The following NLGN1 variants were observed in gnomAD, a reference collection of about 807,000 sequenced individuals.
NLGN1 encodes the protein neuroligin 1.
A neutral mutation model predicts 65.5 loss-of-function variants in NLGN1; 12 were observed. The ratio of observed to expected loss-of-function variants is 0.18; its 90% CI spans 0.12 to 0.30. The LOEUF (loss-of-function observed/expected upper bound fraction) is 0.30. Ranked by LOEUF, NLGN1 falls within the 10% of genes least tolerant of loss-of-function variation. The pLI is 1.00. For missense variants in NLGN1, 750 were observed against 1,007.1 expected (o/e 0.74, Z 3.46); for synonymous variants, 350 against 359.5 (o/e 0.97, Z 0.30).
chr3:173,575,463 ATTTAAGTTACC>A (rs1156997996), intron 2 of NLGN1, among the ~76,000 whole-genome samples: 1 of 152,082 alleles, frequency 6.6e-6, no homozygotes, highest in Admixed American at 6.5e-5. Flanking sequence ...CTTAAAACAA[ATTTAAGTTACC>A]TTCAGGCATT....
intron 3 of NLGN1, among the ~76,000 whole-genome samples, chr3:173,620,564 G>T (rs1028669643): frequency 3.3e-5 from 5 of 151,958 alleles, no homozygotes; most frequent in Admixed American, 6.6e-5. Flanking sequence ...AGGGGGAAAG[G>T]CACCAGAAAA....
At chr3:174,027,369 G>C (rs1481138308) in intron 4 of NLGN1, among the ~76,000 whole-genome samples, 1 of 151,982 alleles carries the variant, frequency 6.6e-6, no homozygotes, top group Non-Finnish European at 1.5e-5. Flanking sequence ...AGCTATTTCT[G>C]TTTACCATTT....
intron 4 of NLGN1, among the ~76,000 whole-genome samples, chr3:174,072,038 G>A (rs1449662406): frequency 1.3e-5 from 2 of 152,188 alleles, no homozygotes; most frequent in African/African-American, 2.4e-5. Flanking sequence ...GAATTAAAAG[G>A]TGGAAAAGAT....
chr3:174,170,701 TGTGC>T (rs1728364907), intron 4 of NLGN1, among the ~76,000 whole-genome samples: 1 of 152,196 alleles, frequency 6.6e-6, no homozygotes, highest in African/African-American at 2.4e-5. Flanking sequence ...CACTAGCTAA[TGTGC>T]ATAACAGTGA....
At chr3:173,811,467 G>A (rs1717906690) in intron 4 of NLGN1, among the ~76,000 whole-genome samples, 1 of 151,560 alleles carries the variant, frequency 6.6e-6, no homozygotes, top group Non-Finnish European at 1.5e-5. Context: ...GGGAGCCTGA[G>A]GCAGGAGAAG....
At chr3:174,161,608 G>A (rs1312441591) in intron 4 of NLGN1, among the ~76,000 whole-genome samples, 2 of 151,774 alleles carry the variant, frequency 1.3e-5, no homozygotes, top group Non-Finnish European at 2.9e-5. Context: ...TCTATAGCAG[G>A]GAAGAAATCC....
At chr3:173,420,202 A>C (rs962381353) in intron 1 of NLGN1, among the ~76,000 whole-genome samples, 2 of 151,890 alleles carry the variant, frequency 1.3e-5, no homozygotes, top group Non-Finnish European at 2.9e-5. Flanking sequence ...CATTAAGTAT[A>C]TCTCCTAATG....
intron 2 of NLGN1, among the ~76,000 whole-genome samples, chr3:173,448,020 T>G (rs914183081): frequency 3.0e-4 from 45 of 152,218 alleles, no homozygotes; most frequent in Middle Eastern, 3.2e-3. Context: ...GGGACAATTT[T>G]ACTTCCTCTT....
chr3:173,947,315 A>G (rs1030466115), intron 4 of NLGN1, among the ~76,000 whole-genome samples: 1 of 152,014 alleles, frequency 6.6e-6, no homozygotes, highest in Non-Finnish European at 1.5e-5. Flanking sequence ...AGCCACCACG[A>G]CTGGCTCAGT....
chr3:174,236,246 C>A (rs1483736300), intron 4 of NLGN1, among the ~76,000 whole-genome samples: 1 of 152,044 alleles, frequency 6.6e-6, no homozygotes, highest in East Asian at 1.9e-4. Flanking sequence ...GTATGTTACT[C>A]GAACCTATTA....
chr3:173,619,792 A>G (rs748711949), intron 3 of NLGN1, among the ~76,000 whole-genome samples: 6 of 152,196 alleles, frequency 3.9e-5, no homozygotes, highest in Non-Finnish European at 4.4e-5. Flanking sequence ...AGTAAAATTT[A>G]CATATGGTAG....
chr3:173,560,309 T>C (rs780764694), intron 2 of NLGN1, among the ~76,000 whole-genome samples: 14 of 148,706 alleles, frequency 9.4e-5, no homozygotes, highest in Non-Finnish European at 1.3e-4. Flanking sequence ...GCAAGGAAAC[T>C]GAGTAAAAAT....
chr3:174,020,632 A>G (rs1461785801), intron 4 of NLGN1, among the ~76,000 whole-genome samples: 1 of 152,122 alleles, frequency 6.6e-6, no homozygotes, highest in Non-Finnish European at 1.5e-5. Context: ...TTTATATTAT[A>G]TTGGAGTCAT....
At chr3:174,213,082 A>G (rs1197534796) in intron 4 of NLGN1, among the ~76,000 whole-genome samples, 2 of 152,222 alleles carry the variant, frequency 1.3e-5, no homozygotes, top group Non-Finnish European at 2.9e-5. Context: ...CCTTTGCCAC[A>G]TATGGTAGCA....
intron 1 of NLGN1, among the ~76,000 whole-genome samples, chr3:173,423,406 A>T (rs186543729): frequency 6.6e-6 from 1 of 152,164 alleles, no homozygotes; most frequent in African/African-American, 2.4e-5. Context: ...CCAAGTCCAA[A>T]GCCTTATCTG....
chr3:173,727,638 C>T (rs1350052568), intron 3 of NLGN1, among the ~76,000 whole-genome samples: 2 of 152,122 alleles, frequency 1.3e-5, no homozygotes, highest in African/African-American at 4.8e-5. Flanking sequence ...CCAACCCACA[C>T]ACCTTGCAAG....
chr3:174,117,668 A>T (rs1327380989), intron 4 of NLGN1, among the ~76,000 whole-genome samples: 1 of 151,878 alleles, frequency 6.6e-6, no homozygotes, highest in East Asian at 1.9e-4. Context: ...ATGGCTGGTG[A>T]GGAATGGCCA....
intron 2 of NLGN1, among the ~76,000 whole-genome samples, chr3:173,504,279 T>C (rs1731638204): frequency 6.6e-6 from 1 of 152,102 alleles, no homozygotes; most frequent in South Asian, 2.1e-4. Flanking sequence ...ATTTATACAC[T>C]ATATACAGCA....
intron 4 of NLGN1, among the ~76,000 whole-genome samples, chr3:174,027,045 T>C (rs1206149653): frequency 6.7e-6 from 1 of 149,774 alleles, no homozygotes; most frequent in Non-Finnish European, 1.5e-5. Flanking sequence ...CTTGGCTAAG[T>C]TTGGTCTAGT....
Sources: gnomAD v4.1 joint callset for allele counts (sites outside exome capture counted in the v4.1 genomes callset) on GRCh38, gnomAD v4.1.1 for gene constraint, MANE v1.5 for transcripts, NCBI Gene and HGNC (gene_info 2026-07-23, HGNC 2026-07-21) for gene names.